Variants in CCSER1 observed in about 807,000 individuals in gnomAD.
CCSER1 encodes the protein serine-rich coiled-coil domain-containing protein 1.
In CCSER1, 41 loss-of-function variants were observed where a neutral mutation model predicts 82.0. The observed-to-expected ratio is 0.50, with a 90% CI of 0.39 to 0.65. The LOEUF is 0.65. Among genes scored for constraint, CCSER1 ranks in the 30% least tolerant of loss-of-function variants. CCSER1 has a pLI of 0.00. For synonymous variants in CCSER1, 414 were observed against 383.9 expected, an observed-to-expected ratio of 1.08 and a Z score of -0.92; for missense variants, 1,119 against 1,064.2, an observed-to-expected ratio of 1.05 and a Z score of -0.72.
intron 7 of CCSER1, among the ~76,000 whole-genome samples, chr4:90,738,533 C>T (rs556434738): frequency 2.0e-5 from 3 of 152,208 alleles, no homozygotes; most frequent in South Asian, 2.1e-4. Flanking sequence ...CCCCTGTTGC[C>T]ACCTCACTGG....
intron 6 of CCSER1, among the ~76,000 whole-genome samples, chr4:90,639,178 A>G (rs1384136683): frequency 6.6e-6 from 1 of 151,472 alleles, no homozygotes; most frequent in Non-Finnish European, 1.5e-5. Flanking sequence ...AAAAAAGCAT[A>G]TATATATTCT....
At chr4:90,349,629 T>G (rs951007192) in intron 3 of CCSER1, among the ~76,000 whole-genome samples, 3 of 152,124 alleles carry the variant, frequency 2.0e-5, no homozygotes, top group African/African-American at 7.2e-5. Flanking sequence ...ACGTATTTCA[T>G]TTTCTTCTTT....
rs552645084 is a variant in CCSER1 at position 90,975,531 on chromosome 4, T to C, written c.2172+52084T>C. ...GATTTATATCTCAGTAAAGCTGTTA[T>C]AAAAGAAACAGATACCTAATGAGTA... On this transcript the variant is annotated intron_variant, in intron 9 of 10. Transcript: ENST00000509176. Among the ~76,000 whole-genome samples, 255 of 151,356 alleles carry C rather than the reference T, an allele frequency of 1.7e-3. 2 individuals are homozygous for C. The highest frequency in any genetic ancestry group is 5.9e-3 in the African/African-American group (246 of 41,354).
intron 10 of CCSER1, among the ~76,000 whole-genome samples, chr4:91,458,491 A>G (rs902870192): frequency 6.6e-6 from 1 of 152,002 alleles, no homozygotes; most frequent in Non-Finnish European, 1.5e-5. Flanking sequence ...CTCAGGATTC[A>G]TTTGGCTATG....
chr4:91,495,000 T>C (rs761315692), intron 10 of CCSER1, among the ~76,000 whole-genome samples: 14 of 151,770 alleles, frequency 9.2e-5, no homozygotes, highest in Non-Finnish European at 1.5e-4. Flanking sequence ...ACGTGGTGTT[T>C]TGACTGACTC....
At chr4:90,881,938 C>G (rs1164118093) in intron 8 of CCSER1, among the ~76,000 whole-genome samples, 1 of 150,814 alleles carries the variant, frequency 6.6e-6, no homozygotes. Flanking sequence ...ATGATGATAC[C>G]TTTGCAATAT....
At chr4:91,473,185 G>A (rs369181219) in intron 10 of CCSER1, among the ~76,000 whole-genome samples, 1 of 152,158 alleles carries the variant, frequency 6.6e-6, no homozygotes, top group South Asian at 2.1e-4. Context: ...TGTAAGGAAA[G>A]TTACTGTTCA....
intron 10 of CCSER1, among the ~76,000 whole-genome samples, chr4:91,209,210 C>G (rs1376469133): frequency 6.6e-6 from 1 of 151,862 alleles, no homozygotes. Context: ...TTATTTCTTT[C>G]ATTTGCCTGA....
intron 10 of CCSER1, among the ~76,000 whole-genome samples, chr4:91,364,448 G>A (rs553027591): frequency 6.1e-4 from 92 of 152,050 alleles, no homozygotes; most frequent in African/African-American, 1.1e-3. Context: ...GTTATTGCTC[G>A]ATTTATTAGC....
At chr4:91,535,233 G>A (rs1761236712) in intron 10 of CCSER1, among the ~76,000 whole-genome samples, 1 of 151,938 alleles carries the variant, frequency 6.6e-6, no homozygotes, top group Non-Finnish European at 1.5e-5. Flanking sequence ...TTTTAATAAT[G>A]TAAGCTCTGA....
At position 90,713,577 on chromosome 4, in the gene CCSER1, A is replaced by G. The variant is rs114710317; in HGVS notation, c.1933-10337A>G. ...CTTTCTCTCTGGCTGCCCTTAACCT[A>G]TTTTTTTTTATTTCAATCTTAGAGA... On this transcript the variant is annotated intron_variant, in intron 6 of 10. Transcript: ENST00000509176. 2.6e-3 allele frequency among the ~76,000 whole-genome samples: 380 copies of G among 147,904 alleles called. 1 individual carries two copies. Among genetic ancestry groups the G allele is most frequent in the African/African-American group, 9.1e-3 (366 of 40,196 alleles).
chr4:90,860,674 C>A (rs563475229), intron 8 of CCSER1, among the ~76,000 whole-genome samples: 4 of 151,474 alleles, frequency 2.6e-5, no homozygotes, highest in Non-Finnish European at 5.9e-5. Flanking sequence ...TATATTCATA[C>A]GGTAAAACAT....
At chr4:90,616,399 G>C (rs1721211242) in intron 5 of CCSER1, among the ~76,000 whole-genome samples, 1 of 151,998 alleles carries the variant, frequency 6.6e-6, no homozygotes, top group Non-Finnish European at 1.5e-5. Flanking sequence ...AAATGTTTTA[G>C]ACTGGGTGTA....
At chr4:90,933,132 A>AGT (rs536402295) in intron 9 of CCSER1, among the ~76,000 whole-genome samples, 8,462 of 70,084 alleles carry the variant, frequency 0.12, 812 homozygotes, top group Middle Eastern at 0.16. Flanking sequence ...GTTACCTAGA[A>AGT]GTGTGTGTGT....
At chr4:90,838,578 T>C (rs566556507) in intron 8 of CCSER1, among the ~76,000 whole-genome samples, 1 of 151,798 alleles carries the variant, frequency 6.6e-6, no homozygotes, top group South Asian at 2.1e-4. Flanking sequence ...AATGGCACTC[T>C]GATTAAACTG....
At chr4:90,203,634 T>G (rs1396157135) in intron 1 of CCSER1, among the ~76,000 whole-genome samples, 15 of 152,196 alleles carry the variant, frequency 9.9e-5, no homozygotes, top group Admixed American at 9.8e-4. Context: ...TTTGCTATTG[T>G]GAATAGTGCT....
chr4:90,139,609 A>T (rs1724358623), intron 1 of CCSER1, among the ~76,000 whole-genome samples: 1 of 152,178 alleles, frequency 6.6e-6, no homozygotes, highest in African/African-American at 2.4e-5. Context: ...TTGAGAACAC[A>T]ATTGTGTCAC....
chr4:90,834,676 G>A (rs376413252), intron 8 of CCSER1, among the ~76,000 whole-genome samples: 38 of 152,162 alleles, frequency 2.5e-4, no homozygotes, highest in East Asian at 2.1e-3. Context: ...AAAAAATACC[G>A]TGTTCAGTTA....
intron 10 of CCSER1, among the ~76,000 whole-genome samples, chr4:91,279,783 G>GT (rs1367742684): frequency 6.6e-6 from 1 of 152,008 alleles, no homozygotes. Flanking sequence ...GAATGATTGT[G>GT]TTTTTTGGGA....
Sources: gnomAD v4.1 joint callset for allele counts (sites outside exome capture counted in the v4.1 genomes callset) on GRCh38, gnomAD v4.1.1 for gene constraint, MANE v1.5 for transcripts, NCBI Gene and HGNC (gene_info 2026-07-23, HGNC 2026-07-21) for gene names.